The following KCNIP4 variants were observed in gnomAD, a reference collection of about 807,000 sequenced individuals.
KCNIP4 encodes the protein potassium voltage-gated channel interacting protein 4, also known as Kv channel-interacting protein 4.
In KCNIP4, 12 loss-of-function variants were observed where a neutral mutation model predicts 34.0. The ratio of observed to expected loss-of-function variants is 0.35; its 90% confidence interval spans 0.23 to 0.57. KCNIP4 has a LOEUF of 0.57. Among genes scored for constraint, KCNIP4 ranks in the 20% least tolerant of loss-of-function variants. KCNIP4 has a pLI of 0.83. For synonymous variants in KCNIP4, 124 were observed against 102.2 expected (o/e 1.21, Z -1.29); for missense variants, 238 against 311.7 (o/e 0.76, Z 1.78).
intron 1 of KCNIP4, among the ~76,000 whole-genome samples, chr4:21,370,119 A>T (rs1017059400): frequency 1.4e-5 from 2 of 147,560 alleles, no homozygotes; most frequent in Non-Finnish European, 2.9e-5. Flanking sequence ...GAGCCACTGC[A>T]CCCGGCCAAC....
intron 3 of KCNIP4, among the ~76,000 whole-genome samples, chr4:20,820,007 C>T (rs905742257): frequency 5.9e-5 from 9 of 152,160 alleles, no homozygotes; most frequent in Non-Finnish European, 7.3e-5. Context: ...TGGGGTGTTG[C>T]TGTTAACAAA....
At chr4:21,655,162 A>G (rs1747820857) in intron 1 of KCNIP4, among the ~76,000 whole-genome samples, 1 of 152,152 alleles carries the variant, frequency 6.6e-6, no homozygotes, top group Non-Finnish European at 1.5e-5. Context: ...ACAAATAACA[A>G]GATTAGATCC....
chr4:21,174,486 T>C (rs1754249900), intron 1 of KCNIP4, among the ~76,000 whole-genome samples: 1 of 152,222 alleles, frequency 6.6e-6, no homozygotes, highest in South Asian at 2.1e-4. Flanking sequence ...GGACTTGTTA[T>C]ACATGAAGGA....
At chr4:21,239,864 C>G (rs1210078378) in intron 1 of KCNIP4, among the ~76,000 whole-genome samples, 2 of 152,078 alleles carry the variant, frequency 1.3e-5, no homozygotes, top group African/African-American at 4.8e-5. Context: ...CCCAGCCATC[C>G]CATTACTGGG....
chr4:20,977,885 C>T (rs1294115195), intron 1 of KCNIP4, among the ~76,000 whole-genome samples: 11 of 152,170 alleles, frequency 7.2e-5, no homozygotes, highest in South Asian at 2.1e-4. Flanking sequence ...TTTCTAAAGG[C>T]CTTACTCCCT....
chr4:21,418,729 G>A (rs958344117), intron 1 of KCNIP4, among the ~76,000 whole-genome samples: 1 of 152,136 alleles, frequency 6.6e-6, no homozygotes, highest in African/African-American at 2.4e-5. Flanking sequence ...TGTCTCCGAA[G>A]CTCTCTGCCT....
At chr4:21,279,915 A>G (rs902775151) in intron 1 of KCNIP4, among the ~76,000 whole-genome samples, 1 of 152,176 alleles carries the variant, frequency 6.6e-6, no homozygotes, top group African/African-American at 2.4e-5. Flanking sequence ...CTTTACTATT[A>G]AAAGAGTTCA....
intron 1 of KCNIP4, among the ~76,000 whole-genome samples, chr4:21,599,019 G>A (rs147417470): frequency 1.6e-4 from 24 of 152,148 alleles, no homozygotes; most frequent in African/African-American, 4.6e-4. Flanking sequence ...CTGTATCATC[G>A]CTGCAGTCCT....
rs552681111 is a variant in KCNIP4 at position 21,553,247 on chromosome 4, C to T, written c.61+395324G>A. ...TCAGAAACGTTCAAGTGAACCATAG[C>T]AAACTTCAAACTGCCATTCACTTCT... On this transcript the variant is annotated intron_variant, in intron 1 of 8. Coordinates refer to ENST00000382152, the MANE Select transcript of KCNIP4 (RefSeq NM_025221.6). Among the ~76,000 whole-genome samples the T allele has an allele frequency of 8.5e-4, 129 of 152,228 alleles. 2 individuals carry two copies. The highest frequency in any genetic ancestry group is 3.0e-3 in the African/African-American group (126 of 41,534).
intron 2 of KCNIP4, among the ~76,000 whole-genome samples, chr4:20,875,544 A>C (rs1029313934): frequency 3.9e-5 from 6 of 152,226 alleles, no homozygotes; most frequent in African/African-American, 1.4e-4. Flanking sequence ...AGGGCTTAAA[A>C]TGAAATTGAA....
chr4:21,794,738 G>C (rs1208339399), intron 1 of KCNIP4, among the ~76,000 whole-genome samples: 2 of 152,126 alleles, frequency 1.3e-5, no homozygotes, highest in Non-Finnish European at 2.9e-5. Flanking sequence ...AATTAGCCAG[G>C]AGTGGTGGCA....
chr4:21,619,877 C>A (rs1727041244), intron 1 of KCNIP4, among the ~76,000 whole-genome samples: 1 of 152,178 alleles, frequency 6.6e-6, no homozygotes, highest in African/African-American at 2.4e-5. Flanking sequence ...CAATTGCAGC[C>A]AGAAGATGAC....
At chr4:21,581,517 G>A (rs1210850651) in intron 1 of KCNIP4, among the ~76,000 whole-genome samples, 1 of 151,966 alleles carries the variant, frequency 6.6e-6, no homozygotes, top group Non-Finnish European at 1.5e-5. Context: ...CCAGTCTCAA[G>A]TCTCTGTAGA....
At chr4:21,634,527 G>A (rs1745991847) in intron 1 of KCNIP4, among the ~76,000 whole-genome samples, 1 of 152,092 alleles carries the variant, frequency 6.6e-6, no homozygotes, top group African/African-American at 2.4e-5. Flanking sequence ...GGGAAGGAAA[G>A]TGACTACCTC....
chr4:20,848,055 C>T (rs1720583484), intron 3 of KCNIP4, among the ~76,000 whole-genome samples: 1 of 151,926 alleles, frequency 6.6e-6, no homozygotes, highest in African/African-American at 2.4e-5. Flanking sequence ...GCTTAGGGTT[C>T]ATTTATTAGA....
chr4:20,906,115 T>C (rs1424751183), intron 1 of KCNIP4, among the ~76,000 whole-genome samples: 1 of 149,822 alleles, frequency 6.7e-6, no homozygotes, highest in African/African-American at 2.5e-5. Flanking sequence ...TTTCTCTCTT[T>C]CTCTTCCTCT....
intron 1 of KCNIP4, among the ~76,000 whole-genome samples, chr4:21,713,690 T>C (rs1392330475): frequency 1.3e-5 from 2 of 152,206 alleles, no homozygotes; most frequent in East Asian, 1.9e-4. Flanking sequence ...TATTGAACAT[T>C]AGAATGTATT....
intron 3 of KCNIP4, among the ~76,000 whole-genome samples, chr4:20,804,671 G>C (rs902780296): frequency 6.6e-6 from 1 of 152,116 alleles, no homozygotes; most frequent in African/African-American, 2.4e-5. Context: ...TTGATTGGGT[G>C]TGTATTAATC....
chr4:21,408,072 A>C (rs1414067021), intron 1 of KCNIP4, among the ~76,000 whole-genome samples: 2 of 152,240 alleles, frequency 1.3e-5, no homozygotes, highest in African/African-American at 4.8e-5. Context: ...TAGAATCAGA[A>C]AACCAAACGA....
Sources: allele counts gnomAD v4.1 joint callset (sites outside exome capture counted in the v4.1 genomes callset), GRCh38; gene constraint gnomAD v4.1.1; transcripts MANE v1.5; gene names NCBI Gene and HGNC (gene_info 2026-07-23, HGNC 2026-07-21).